TMEM260: variants seen among roughly 807,000 people sequenced by gnomAD.
TMEM260 encodes the protein protein O-mannosyl-transferase TMEM260.
Under a neutral mutation model 88.9 loss-of-function variants are expected in TMEM260, and 82 were observed. The observed-to-expected ratio is 0.92, with a 90% CI of 0.77 to 1.11. The LOEUF (loss-of-function observed/expected upper bound fraction) is 1.11, where lower values mean the gene tolerates loss of function less well. Ranked by LOEUF, TMEM260 falls within the 50% of genes least tolerant of loss-of-function variation. TMEM260 has a pLI of 0.00. For synonymous variants in TMEM260, 314 were observed against 309.3 expected, an observed-to-expected ratio of 1.02 and a Z score of -0.16; for missense variants, 902 against 853.4, an observed-to-expected ratio of 1.06 and a Z score of -0.71.
chr14:56,580,755 CTAAT>C (rs1303114790), intron 1 of TMEM260, among the ~76,000 whole-genome samples: 3 of 152,162 alleles, frequency 2.0e-5, no homozygotes, highest in Admixed American at 1.3e-4. Context: ...TTAAATCACA[CTAAT>C]TGTTTTGTAT....
At chr14:56,622,291 C>T (rs531880483) in intron 11 of TMEM260, among the ~76,000 whole-genome samples, 10 of 134,604 alleles carry the variant, frequency 7.4e-5, no homozygotes, top group African/African-American at 2.5e-4. Flanking sequence ...TGCAGTGAGC[C>T]GAGATCGTGT....
At chr14:56,633,426 C>A (rs1264134737) in intron 13 of TMEM260, 2 of 296,660 alleles carry the variant, frequency 6.7e-6, no homozygotes, top group Non-Finnish European at 1.3e-5. Flanking sequence ...ATGCATGGCA[C>A]CTTCTACTTC....
the TMEM260 span, among the ~76,000 whole-genome samples, chr14:56,662,274 A>G: frequency 1.3e-5 from 2 of 152,218 alleles, no homozygotes; most frequent in African/African-American, 4.8e-5. Flanking sequence ...ATTGCCAAGA[A>G]CAGGATCCAT....
chr14:56,637,295 C>CACTTGAAATGATA (rs1889177993), intron 15 of TMEM260, among the ~76,000 whole-genome samples: 1 of 152,214 alleles, frequency 6.6e-6, no homozygotes, highest in Non-Finnish European at 1.5e-5. Flanking sequence ...ACCCTGGCTA[C>CACTTGAAATGATA]ACTTGAAATG....
At chr14:56,634,776 A>T in intron 13 of TMEM260, 123 bp from the exon 14 acceptor site, 1 of 767,098 alleles carries the variant, frequency 1.3e-6, no homozygotes, top group South Asian at 1.6e-5. Context: ...CAGGAGGTGG[A>T]GGTTGCAGTG....
chr14:56,627,443 G>T (rs1362207686), intron 12 of TMEM260, among the ~76,000 whole-genome samples: 1 of 152,010 alleles, frequency 6.6e-6, no homozygotes, highest in East Asian at 1.9e-4. Context: ...TACATGTACT[G>T]TAATTTAAAA....
intron 3 of TMEM260, among the ~76,000 whole-genome samples, chr14:56,596,782 A>AT (rs1886263850): frequency 3.5e-5 from 3 of 86,324 alleles, no homozygotes; most frequent in Admixed American, 2.7e-4. Flanking sequence ...AAAAAAAAAA[A>AT]TTAAAAAAAA....
At chr14:56,587,123 T>A (rs1263060025) in intron 3 of TMEM260, among the ~76,000 whole-genome samples, 2 of 151,866 alleles carry the variant, frequency 1.3e-5, no homozygotes, top group African/African-American at 4.8e-5. Context: ...AAAGTGTTTT[T>A]TGTTTTTAAA....
chr14:56,587,865 T>A (rs1885606690), intron 3 of TMEM260, among the ~76,000 whole-genome samples: 1 of 152,094 alleles, frequency 6.6e-6, no homozygotes, highest in Non-Finnish European at 1.5e-5. Flanking sequence ...GTAATAGGAC[T>A]AACAGTAGCC....
downstream of TMEM260, among the ~76,000 whole-genome samples, chr14:56,655,124 G>C (rs1305401808): frequency 6.6e-6 from 1 of 152,056 alleles, no homozygotes; most frequent in Non-Finnish European, 1.5e-5. Flanking sequence ...GGGCGTGGTG[G>C]CTCACTCCTG....
At chr14:56,606,751 T>C (rs1886931292) in intron 5 of TMEM260, among the ~76,000 whole-genome samples, 1 of 152,030 alleles carries the variant, frequency 6.6e-6, no homozygotes, top group African/African-American at 2.4e-5. Context: ...AAAAAGTAGC[T>C]GGGCTTGGCA....
At chr14:56,656,038 G>T in the TMEM260 span, among the ~76,000 whole-genome samples, 2 of 152,136 alleles carry the variant, frequency 1.3e-5, no homozygotes, top group African/African-American at 4.8e-5. Flanking sequence ...GATTTTTCTG[G>T]ATTGCACCAG....
intron 10 of TMEM260, among the ~76,000 whole-genome samples, chr14:56,621,250 G>C (rs1250854388): frequency 6.6e-6 from 1 of 150,662 alleles, no homozygotes; most frequent in East Asian, 1.9e-4. Context: ...TGCACTTAGG[G>C]GGAAAAAAGG....
chr14:56,594,793 T>G lies in TMEM260; in HGVS notation c.344+8881T>G, dbSNP rs554994553. Among the ~76,000 whole-genome samples the G allele has an allele frequency of 2.4e-3, 366 of 152,342 alleles. 1 individual carries two copies. Among genetic ancestry groups the G allele is most frequent in the Middle Eastern group, 0.01 (3 of 294 alleles). On this transcript the variant is annotated intron_variant, in intron 3 of 15. Transcript: ENST00000261556. ...AAGAAAGATTACTTAAATCAGAAATTTGGACTACCAATTCATTTAATAGTA... is the reference window on the plus strand; with the variant it reads ...AAGAAAGATTACTTAAATCAGAAATGTGGACTACCAATTCATTTAATAGTA...
chr14:56,594,831 G>A (rs981932986), intron 3 of TMEM260, among the ~76,000 whole-genome samples: 2 of 152,144 alleles, frequency 1.3e-5, no homozygotes, highest in African/African-American at 4.8e-5. Flanking sequence ...GTATGCAAAA[G>A]ATTTATGAAT....
downstream of TMEM260, among the ~76,000 whole-genome samples, chr14:56,653,367 G>A (rs2345109): frequency 0.7 from 105,594 of 151,908 alleles, 38,176 homozygotes; most frequent in Non-Finnish European, 0.8. Context: ...ATAAATGTGT[G>A]TAGAGTCAAT....
chr14:56,644,451 G>A (rs1261879511), intron 15 of TMEM260, among the ~76,000 whole-genome samples: 5 of 152,030 alleles, frequency 3.3e-5, no homozygotes, highest in Non-Finnish European at 5.9e-5. Flanking sequence ...GGCTAGCCAT[G>A]TGTAGAAAGC....
At chr14:56,651,652 T>C (rs1313747205), downstream of TMEM260, among the ~76,000 whole-genome samples, 3 of 152,248 alleles carry the variant, frequency 2.0e-5, no homozygotes, top group African/African-American at 7.2e-5. Flanking sequence ...GCTATACTCC[T>C]ATCCCAGTGA....
chr14:56,638,612 A>C (rs1952589), intron 15 of TMEM260, among the ~76,000 whole-genome samples: 57,379 of 151,860 alleles, frequency 0.38, 11,036 homozygotes, highest in Non-Finnish European at 0.41. Context: ...CATAGTCTCC[A>C]GATGTGTGAC....
Sources: gnomAD v4.1 joint callset for allele counts (sites outside exome capture counted in the v4.1 genomes callset) on GRCh38, gnomAD v4.1.1 for gene constraint, MANE v1.5 for transcripts, NCBI Gene and HGNC (gene_info 2026-07-23, HGNC 2026-07-21) for gene names.